PPP1R21: variants seen among roughly 807,000 people sequenced by gnomAD.
PPP1R21 encodes the protein KLRAQ motif containing 1.
Under a neutral mutation model 112.8 loss-of-function variants are expected in PPP1R21, and 85 were observed. The observed-to-expected ratio is 0.75, with a 90% CI of 0.63 to 0.90. PPP1R21 has a LOEUF of 0.90. PPP1R21 is among the 40% of genes least tolerant of loss of function. The pLI, the probability that PPP1R21 is intolerant of heterozygous loss-of-function variation, is 0.00. For missense variants in PPP1R21, 1,199 were observed against 901.5 expected, an observed-to-expected ratio of 1.33 and a Z score of -4.23; for synonymous variants, 381 against 322.3, an observed-to-expected ratio of 1.18 and a Z score of -1.95.
At chr2:48,469,535 T>TATATATATAGAGAGAGAGAG (rs1553339307) in intron 9 of PPP1R21, among the ~76,000 whole-genome samples, 1 of 73,234 alleles carries the variant, frequency 1.4e-5, no homozygotes, top group African/African-American at 5.7e-5. Flanking sequence ...TATATATATA[T>TATATATATAGAGAGAGAGAG]AGAGCATATA....
At position 48,441,833 on chromosome 2, in the gene PPP1R21, C is replaced by T. The variant is rs1667044567; in HGVS notation, c.57+823C>T. ...CATCTTTGGAAATTGATTCAACAGT[C>T]ATTAAGCTTAGTTTTCAGTGACTTT... On this transcript the variant is annotated intron_variant, in intron 1 of 21. Transcript: ENST00000294952. Among the ~76,000 whole-genome samples the T allele has an allele frequency of 7.2e-5, 11 of 152,220 alleles. No homozygotes were observed. In the South Asian group the frequency reaches 1.9e-3, roughly 26 times the overall value.
rs997318666 is a variant in PPP1R21, at chr2:48,465,435, G to C, written c.748-58G>C. 2.4e-5 allele frequency: 36 copies of C among 1,490,422 alleles called. No homozygotes were observed. The Middle Eastern group carries it at 1.2e-3, about 51-fold the overall frequency. 92.3% of individuals were successfully genotyped at this position (1,490,422 alleles called of 1,614,324 possible). A position where few individuals can be genotyped will look rare whatever the true frequency, so the allele number is the denominator to read the frequency against. On this transcript the variant is annotated intron_variant, in intron 8 of 21. Transcript: ENST00000294952. ...TTTTCTCCAGATCAGACTCAATAAAGTTCTTTTAGGATAATAATTTGAGAG... is the reference window on the plus strand; with the variant it reads ...TTTTCTCCAGATCAGACTCAATAAACTTCTTTTAGGATAATAATTTGAGAG...
intron 17 of PPP1R21, chr2:48,501,927 C>T (rs145944593): frequency 2.6e-4 from 40 of 152,054 alleles, no homozygotes; most frequent in African/African-American, 9.2e-4. Context: ...AATTTTAAAA[C>T]GTGGAATGCT....
chr2:48,479,453 A>C (rs1462957741), intron 12 of PPP1R21: 4 of 471,558 alleles, frequency 8.5e-6, no homozygotes, highest in Non-Finnish European at 1.8e-5. Context: ...CAGAGACTTT[A>C]AGTGATTGTC....
In PPP1R21 at chr2:48,515,246, CTT is replaced by C. The variant is rs1491013808; in HGVS notation, c.*503_*504del. On this transcript the variant is annotated 3_prime_UTR_variant, in exon 22 of 22. Coordinates refer to ENST00000294952, the MANE Select transcript of PPP1R21 (RefSeq NM_001135629.3). The stretch of plus-strand genomic sequence containing the variant: ...TCTCTCTCTCTCTCTCTCTCTCTCT[CTT>C]CTTTCTCTCTGAGGGAGAGGGAGCC... 1 of 145,486 alleles carries C rather than the reference CTT, an allele frequency of 6.9e-6. No homozygotes were observed. Among genetic ancestry groups the C allele is most frequent in the Non-Finnish European group, 1.5e-5 (1 of 66,152 alleles). 9.0% of individuals were successfully genotyped at this position (145,486 alleles called of 1,614,324 possible).
chr2:48,509,083 C>G (rs1233134376), intron 19 of PPP1R21, among the ~76,000 whole-genome samples: 2 of 152,098 alleles, frequency 1.3e-5, no homozygotes, highest in Non-Finnish European at 1.5e-5. Context: ...CCTCTTTGAA[C>G]AATATTGTGA....
At chr2:48,481,204 G>T (rs986652017) in intron 13 of PPP1R21, among the ~76,000 whole-genome samples, 3 of 152,174 alleles carry the variant, frequency 2.0e-5, no homozygotes, top group Non-Finnish European at 4.4e-5. Flanking sequence ...GGCCAGGCTG[G>T]TCTTGAACTC....
intron 13 of PPP1R21, among the ~76,000 whole-genome samples, chr2:48,482,628 T>C (rs999912596): frequency 6.6e-6 from 1 of 151,496 alleles, no homozygotes; most frequent in African/African-American, 2.4e-5. Context: ...CAGATTAGCA[T>C]TTAAAATAAA....
intron 2 of PPP1R21, among the ~76,000 whole-genome samples, chr2:48,452,748 A>G (rs530523534): frequency 1.3e-5 from 2 of 152,116 alleles, no homozygotes; most frequent in South Asian, 4.1e-4. Context: ...TTAAAATTTG[A>G]AAGACATGAT....
intron 13 of PPP1R21, among the ~76,000 whole-genome samples, chr2:48,480,477 C>A (rs1289955952): frequency 2.6e-5 from 4 of 152,204 alleles, no homozygotes; most frequent in Admixed American, 2.6e-4. Flanking sequence ...TCTTGTTGGG[C>A]ATAGCCTTAA....
chr2:48,506,814 C>T (rs1004749895), intron 18 of PPP1R21, among the ~76,000 whole-genome samples: 23 of 152,068 alleles, frequency 1.5e-4, no homozygotes, highest in African/African-American at 5.5e-4. Context: ...GGCGTGGTGG[C>T]GGGCGCCTGT....
intron 7 of PPP1R21, among the ~76,000 whole-genome samples, chr2:48,461,919 TA>T (rs1667995461): frequency 6.6e-6 from 1 of 151,856 alleles, no homozygotes; most frequent in Non-Finnish European, 1.5e-5. Flanking sequence ...AGGGAAGACC[TA>T]AAAAAAGAGG....
At chr2:48,467,626 A>C (rs984894044) in intron 9 of PPP1R21, among the ~76,000 whole-genome samples, 1 of 152,218 alleles carries the variant, frequency 6.6e-6, no homozygotes, top group Non-Finnish European at 1.5e-5. Flanking sequence ...GTGTCCTCAT[A>C]AATGGCAGCT....
chr2:48,452,810 T>G (rs1667535901), intron 2 of PPP1R21, among the ~76,000 whole-genome samples: 2 of 152,122 alleles, frequency 1.3e-5, no homozygotes, highest in South Asian at 4.1e-4. Flanking sequence ...AAGTAAAAAT[T>G]AAGGTTTTAC....
At chr2:48,497,651 ATTTT>A (rs1208738625) in intron 16 of PPP1R21, among the ~76,000 whole-genome samples, 1 of 134,160 alleles carries the variant, frequency 7.5e-6, no homozygotes, top group Admixed American at 7.5e-5. Flanking sequence ...CTATAGTTCT[ATTTT>A]TTTTTTTTTT....
chr2:48,485,648 A>G (rs1001039058), intron 13 of PPP1R21, among the ~76,000 whole-genome samples: 1 of 151,656 alleles, frequency 6.6e-6, no homozygotes, highest in South Asian at 2.1e-4. Context: ...AATCTCATTC[A>G]TGGACCATAG....
intron 14 of PPP1R21, among the ~76,000 whole-genome samples, chr2:48,490,529 T>A (rs1023427357): frequency 2.2e-4 from 34 of 152,240 alleles, no homozygotes; most frequent in African/African-American, 8.2e-4. Flanking sequence ...ATTTTCAGTC[T>A]TTTTTTTCTA....
At chr2:48,460,211 TTTGGTTG>T in intron 6 of PPP1R21, 58 bp downstream of exon 6, 1 of 1,558,386 alleles carries the variant, frequency 6.4e-7, no homozygotes, top group South Asian at 1.1e-5. Flanking sequence ...AGACATGGGT[TTTGGTTG>T]TAGCAGCTCC....
At chr2:48,455,274 G>A (rs996934742) in intron 3 of PPP1R21, among the ~76,000 whole-genome samples, 8 of 150,714 alleles carry the variant, frequency 5.3e-5, no homozygotes, top group African/African-American at 1.5e-4. Flanking sequence ...AACCTCCCAC[G>A]TAGCTGTGAT....
Sources: allele counts gnomAD v4.1 joint callset (sites outside exome capture counted in the v4.1 genomes callset), GRCh38; gene constraint gnomAD v4.1.1; transcripts MANE v1.5; gene names NCBI Gene and HGNC (gene_info 2026-07-23, HGNC 2026-07-21).